The following CACNA2D3 variants were observed in gnomAD, a reference collection of about 807,000 sequenced individuals.
The protein encoded by CACNA2D3 is voltage-dependent calcium channel subunit alpha-2/delta-3.
In CACNA2D3, 60 loss-of-function variants were observed where a neutral mutation model predicts 160.6. That is an observed-to-expected ratio of 0.37 (90% CI 0.30 to 0.46). The LOEUF (loss-of-function observed/expected upper bound fraction) is 0.46, where lower values mean the gene tolerates loss of function less well. Among genes scored for constraint, CACNA2D3 ranks in the 20% least tolerant of loss-of-function variants. CACNA2D3 has a pLI of 1.00. For synonymous variants in CACNA2D3, 558 were observed against 492.9 expected, an observed-to-expected ratio of 1.13 and a Z score of -1.75; for missense variants, 1,205 against 1,365.0, an observed-to-expected ratio of 0.88 and a Z score of 1.85.
intron 11 of CACNA2D3, among the ~76,000 whole-genome samples, chr3:54,743,638 G>A (rs1701694565): frequency 6.6e-6 from 1 of 152,138 alleles, no homozygotes; most frequent in African/African-American, 2.4e-5. Context: ...TTTCTGATCT[G>A]TTTTTGGTTA....
chr3:55,030,666 A>G (rs1199513625), intron 35 of CACNA2D3, among the ~76,000 whole-genome samples: 1 of 152,146 alleles, frequency 6.6e-6, no homozygotes, highest in Non-Finnish European at 1.5e-5. Context: ...ATCCCTCTGA[A>G]TCTCAGTTCA....
At chr3:54,297,629 C>T (rs1180195935) in intron 2 of CACNA2D3, among the ~76,000 whole-genome samples, 10 of 151,312 alleles carry the variant, frequency 6.6e-5, no homozygotes, top group Non-Finnish European at 1.5e-4. Context: ...TGAATTTGGA[C>T]TGAGACCTTG....
In CACNA2D3 at chr3:54,891,841, G is replaced by C. The variant is rs142900261; in HGVS notation, c.2246+391G>C. On this transcript the variant is annotated intron_variant, in intron 25 of 37. Transcript: ENST00000474759. ...CAGCTATGCTGAGGAATTCCTGCCT[G>C]TACAAAAGTCACTGTTCCAAGTCCT... Among the ~76,000 whole-genome samples the C allele has an allele frequency of 5.4e-4, 83 of 152,326 alleles. No homozygotes were observed. The East Asian group carries it at 9.5e-3, about 17-fold the overall frequency.
At chr3:54,408,039 A>G (rs1348150695) in intron 4 of CACNA2D3, among the ~76,000 whole-genome samples, 1 of 152,172 alleles carries the variant, frequency 6.6e-6, no homozygotes, top group African/African-American at 2.4e-5. Context: ...CTGGACAGAG[A>G]GATGCTGTCT....
intron 4 of CACNA2D3, among the ~76,000 whole-genome samples, chr3:54,394,318 A>ATTTTT (rs34291779): frequency 0.099 from 13,789 of 138,976 alleles, 794 homozygotes; most frequent in African/African-American, 0.15. Context: ...GAGAGTGAAC[A>ATTTTT]TTTTTTTTTT....
At chr3:54,150,785 A>G (rs1434400750) in intron 2 of CACNA2D3, among the ~76,000 whole-genome samples, 1 of 152,222 alleles carries the variant, frequency 6.6e-6, no homozygotes, top group African/African-American at 2.4e-5. Flanking sequence ...AAGAGGAGAT[A>G]ACTCTTGGTG....
chr3:55,074,319 C>T lies in CACNA2D3; in HGVS notation c.*113C>T. On this transcript the variant is annotated 3_prime_UTR_variant, in exon 38 of 38. Transcript: ENST00000474759. ...ATACGAGACATGAATATAGTCCAAC[C>T]ATCAGCATCTCATCATGATTTTAAA... The T allele has an allele frequency of 1.2e-6, 1 of 814,450 alleles. No individual in the cohort carries two copies. Among genetic ancestry groups the T allele is most frequent in the Non-Finnish European group, 2.1e-6 (1 of 468,032 alleles). 50.5% of individuals were successfully genotyped at this position (814,450 alleles called of 1,614,324 possible).
intron 17 of CACNA2D3, among the ~76,000 whole-genome samples, chr3:54,852,884 C>T (rs1340024876): frequency 6.6e-6 from 1 of 152,142 alleles, no homozygotes; most frequent in Admixed American, 6.5e-5. Flanking sequence ...ATCCAGCTGA[C>T]TTAGTTCAAG....
At chr3:54,957,410 A>G (rs1701926257) in intron 27 of CACNA2D3, among the ~76,000 whole-genome samples, 1 of 152,132 alleles carries the variant, frequency 6.6e-6, no homozygotes, top group Non-Finnish European at 1.5e-5. Flanking sequence ...CAGCCTCCTA[A>G]AGTGCTGGGA....
intron 2 of CACNA2D3, among the ~76,000 whole-genome samples, chr3:54,181,796 G>A (rs1700788682): frequency 6.6e-6 from 1 of 152,178 alleles, no homozygotes; most frequent in African/African-American, 2.4e-5. Context: ...AGGCTTTGGA[G>A]TTGATTCCCT....
At chr3:54,474,514 T>TTC (rs1270988448) in intron 4 of CACNA2D3, among the ~76,000 whole-genome samples, 1 of 152,162 alleles carries the variant, frequency 6.6e-6, no homozygotes, top group Non-Finnish European at 1.5e-5. Context: ...AACCTTCATG[T>TTC]TCTGCACATG....
intron 14 of CACNA2D3, among the ~76,000 whole-genome samples, chr3:54,828,240 T>C (rs143640685): frequency 0.015 from 2,284 of 152,290 alleles, 35 homozygotes; most frequent in Non-Finnish European, 0.022. Context: ...ATATGAACAT[T>C]TGGCCACCAT....
At chr3:54,737,353 T>C (rs759898550) in intron 11 of CACNA2D3, among the ~76,000 whole-genome samples, 1 of 151,610 alleles carries the variant, frequency 6.6e-6, no homozygotes, top group Non-Finnish European at 1.5e-5. Context: ...GGAGGAGGGG[T>C]CTTTTGGAGG....
intron 9 of CACNA2D3, among the ~76,000 whole-genome samples, chr3:54,586,499 C>A (rs1306003266): frequency 6.6e-6 from 1 of 152,080 alleles, no homozygotes; most frequent in Non-Finnish European, 1.5e-5. Context: ...GTGTTTGGAT[C>A]AAAATACACA....
intron 13 of CACNA2D3, among the ~76,000 whole-genome samples, chr3:54,811,157 A>T (rs13325022): frequency 0.018 from 2,667 of 152,220 alleles, 76 homozygotes; most frequent in African/African-American, 0.061. Flanking sequence ...TGCCTACCCT[A>T]CACCTCTGCC....
intron 5 of CACNA2D3, among the ~76,000 whole-genome samples, chr3:54,516,618 T>C (rs1701555503): frequency 6.6e-6 from 1 of 152,166 alleles, no homozygotes; most frequent in African/African-American, 2.4e-5. Context: ...GTGCATAACT[T>C]TCAGACTGGA....
chr3:54,879,655 A>G (rs569879616), intron 20 of CACNA2D3, among the ~76,000 whole-genome samples: 1 of 152,312 alleles, frequency 6.6e-6, no homozygotes, highest in African/African-American at 2.4e-5. Context: ...TGTCAAGCAA[A>G]TATGCTTTGG....
intron 2 of CACNA2D3, among the ~76,000 whole-genome samples, chr3:54,281,303 TA>T (rs1479197949): frequency 6.6e-6 from 1 of 152,230 alleles, no homozygotes; most frequent in Non-Finnish European, 1.5e-5. Context: ...ACTATATTTT[TA>T]TGTAGATTCT....
At chr3:54,250,671 A>C (rs1040110990) in intron 2 of CACNA2D3, among the ~76,000 whole-genome samples, 42 of 152,178 alleles carry the variant, frequency 2.8e-4, no homozygotes, top group Non-Finnish European at 1.0e-4. Context: ...TCTGGGCTCA[A>C]GCAGTCTTCC....
Sources: gnomAD v4.1 joint callset for allele counts (sites outside exome capture counted in the v4.1 genomes callset) on GRCh38, gnomAD v4.1.1 for gene constraint, MANE v1.5 for transcripts, NCBI Gene and HGNC (gene_info 2026-07-23, HGNC 2026-07-21) for gene names.